The following GLUD1 variants were observed in gnomAD, a reference collection of about 807,000 sequenced individuals.
GLUD1 encodes the protein glutamate dehydrogenase 1, mitochondrial.
GLUD1 carries 22 observed loss-of-function variants against 56.0 expected under a neutral mutation model. That is an observed-to-expected ratio of 0.39 (90% confidence interval 0.28 to 0.56). The LOEUF is 0.56. Ranked by LOEUF, GLUD1 falls within the 20% of genes least tolerant of loss-of-function variation. The pLI, the probability that GLUD1 is intolerant of heterozygous loss-of-function variation, is 0.58. For missense variants in GLUD1, 451 were observed against 732.0 expected (o/e 0.62, Z 4.43); for synonymous variants, 223 against 269.9 (o/e 0.83, Z 1.70).
At chr10:87,071,923 C>A (rs1846249211) in intron 4 of GLUD1, among the ~76,000 whole-genome samples, 1 of 152,128 alleles carries the variant, frequency 6.6e-6, no homozygotes, top group Non-Finnish European at 1.5e-5. Flanking sequence ...AATCAAGAGA[C>A]CTAAATAAAT....
At chr10:87,067,320 C>A (rs1297194726) in intron 5 of GLUD1, among the ~76,000 whole-genome samples, 1 of 152,182 alleles carries the variant, frequency 6.6e-6, no homozygotes, top group Non-Finnish European at 1.5e-5. Flanking sequence ...CTCACTGCAG[C>A]CTCAACCTCC....
At chr10:87,081,757 G>A (rs539127358) in intron 1 of GLUD1, among the ~76,000 whole-genome samples, 7 of 151,584 alleles carry the variant, frequency 4.6e-5, no homozygotes, top group East Asian at 1.9e-4. Flanking sequence ...CAGCATGCTC[G>A]TTAAGAGTCA....
intron 4 of GLUD1, among the ~76,000 whole-genome samples, chr10:87,073,610 C>CT (rs71019462): frequency 0.034 from 2,530 of 74,216 alleles, 585 homozygotes; most frequent in Non-Finnish European, 0.045. Flanking sequence ...AATTAACATT[C>CT]TTTTTTTTTT....
chr10:87,063,130 ATGGTGAGATCT>A (rs1348125694), intron 5 of GLUD1, among the ~76,000 whole-genome samples: 2 of 151,394 alleles, frequency 1.3e-5, no homozygotes, highest in African/African-American at 4.9e-5. Context: ...CTGGAGTGCA[ATGGTGAGATCT>A]TGGCTCATCG....
intron 1 of GLUD1, among the ~76,000 whole-genome samples, chr10:87,079,955 C>T (rs1461762999): frequency 2.9e-5 from 4 of 139,880 alleles, no homozygotes; most frequent in East Asian, 2.2e-4. Context: ...TCCCCACGGT[C>T]TCCCTCTCCC....
chr10:87,059,957 C>G (rs997321993), intron 9 of GLUD1, among the ~76,000 whole-genome samples: 3 of 152,064 alleles, frequency 2.0e-5, no homozygotes, highest in Non-Finnish European at 4.4e-5. Flanking sequence ...CAGTAAAGAG[C>G]CTGAAATTGG....
At position 87,094,727 on chromosome 10, in the gene GLUD1, C is replaced by T. The variant is rs866424073; in HGVS notation, c.43G>A (p.Gly15Arg). 6.6e-7 allele frequency: 1 copy of T among 1,517,714 alleles called. No homozygotes were observed. Among genetic ancestry groups the T allele is most frequent in the African/African-American group, 1.4e-5 (1 of 69,078 alleles). The allele number at this position is 1,517,714 out of a possible 1,614,324, so 94.0% of individuals were successfully genotyped here. A position where few individuals can be genotyped will look rare whatever the true frequency, so the allele number is the denominator to read the frequency against. Reference sequence around the variant, plus strand: ...GACGCCGAGCCCAGGGCAGCGGGCCCGGCCCGGGACAGCAACAGCGCTTCG... The same window carrying T: ...GACGCCGAGCCCAGGGCAGCGGGCCTGGCCCGGGACAGCAACAGCGCTTCG... The part of the protein sequence containing the change: ...LGEALLLSRA[G>R]PAALGSASAD... Residue 15 changes from glycine to arginine, a missense_variant, in exon 1 of 13, where the codon GGG becomes AGG. Coordinates refer to ENST00000277865, the MANE Select transcript of GLUD1 (RefSeq NM_005271.5). The surrounding 1 kb of genome is among the most constrained non-coding windows in gnomAD (Gnocchi z 6.6).
At chr10:87,058,668 G>A (rs9421571) in intron 10 of GLUD1, among the ~76,000 whole-genome samples, 32,381 of 152,058 alleles carry the variant, frequency 0.21, 4,219 homozygotes, top group East Asian at 0.66. Context: ...TGAGGCAGGC[G>A]GATCATGAGG....
At chr10:87,082,978 C>A (rs1027885113) in intron 1 of GLUD1, among the ~76,000 whole-genome samples, 3 of 152,150 alleles carry the variant, frequency 2.0e-5, no homozygotes, top group African/African-American at 4.8e-5. Context: ...TGGTGGCTCA[C>A]GCCTATAATC....
chr10:87,062,483 C>A (rs1845962249), intron 6 of GLUD1, among the ~76,000 whole-genome samples, 173 bp downstream of exon 6: 1 of 152,178 alleles, frequency 6.6e-6, no homozygotes, highest in South Asian at 2.1e-4. Flanking sequence ...GTTCTAGTTA[C>A]ATGAATCATA....
chr10:87,062,002 T>C (rs1198529670), intron 6 of GLUD1, among the ~76,000 whole-genome samples: 4 of 152,318 alleles, frequency 2.6e-5, no homozygotes, highest in Non-Finnish European at 5.9e-5. Flanking sequence ...CAGGATGGTC[T>C]TGATCTCTTG....
chr10:87,082,708 T>C (rs1564562419), intron 1 of GLUD1, among the ~76,000 whole-genome samples: 1 of 152,240 alleles, frequency 6.6e-6, no homozygotes, highest in Non-Finnish European at 1.5e-5. Flanking sequence ...TTGGCAAATA[T>C]TGAGTACTGG....
intron 1 of GLUD1, among the ~76,000 whole-genome samples, chr10:87,081,585 C>T (rs1331786569): frequency 2.6e-5 from 4 of 152,082 alleles, no homozygotes; most frequent in Non-Finnish European, 4.4e-5. Context: ...GGAGACTTTT[C>T]ATTTTGTTCT....
At chr10:87,077,261 T>C (rs1192494034) in intron 1 of GLUD1, among the ~76,000 whole-genome samples, 1 of 152,160 alleles carries the variant, frequency 6.6e-6, no homozygotes, top group African/African-American at 2.4e-5. Context: ...TCCTCCCACC[T>C]TGGCTTCCCA....
At position 87,066,215 on chromosome 10, in the gene GLUD1, AT is replaced by A. The variant is rs561961107; in HGVS notation, c.741+1847del. ...CTTCTTTCTGCTTCTCTCCGGTGCCATTTTTCTTAGTTGGAGGCTATATTTC... is the reference window on the plus strand; with the variant it reads ...CTTCTTTCTGCTTCTCTCCGGTGCCATTTTCTTAGTTGGAGGCTATATTTC... On this transcript the variant is annotated intron_variant, in intron 5 of 12. Coordinates refer to ENST00000277865, the MANE Select transcript of GLUD1 (RefSeq NM_005271.5). Among the ~76,000 whole-genome samples the A allele has an allele frequency of 3.4e-3, 512 of 152,012 alleles. 1 individual carries two copies. The highest frequency in any genetic ancestry group is 0.01 in the Middle Eastern group (3 of 294).
intron 1 of GLUD1, among the ~76,000 whole-genome samples, chr10:87,087,988 G>C (rs980568300): frequency 6.6e-6 from 1 of 152,110 alleles, no homozygotes; most frequent in Non-Finnish European, 1.5e-5. Context: ...GGCTGAGGCA[G>C]GAAAATTGCT....
At chr10:87,058,576 T>C (rs1295364046) in intron 10 of GLUD1, among the ~76,000 whole-genome samples, 1 of 152,106 alleles carries the variant, frequency 6.6e-6, no homozygotes, top group African/African-American at 2.4e-5. Flanking sequence ...GTATCGACAG[T>C]GGAGTTTTAA....
intron 1 of GLUD1, among the ~76,000 whole-genome samples, chr10:87,081,667 G>A (rs11202324): frequency 0.062 from 9,373 of 152,204 alleles, 599 homozygotes; most frequent in African/African-American, 0.17. Context: ...TGTGCTCTCT[G>A]TAACATGTGC....
chr10:87,059,964 T>C (rs757758691), intron 9 of GLUD1, among the ~76,000 whole-genome samples, 197 bp downstream of exon 9: 9 of 152,210 alleles, frequency 5.9e-5, no homozygotes, highest in Admixed American at 3.9e-4. Flanking sequence ...GAGCCTGAAA[T>C]TGGAATAAAT....
Sources: gnomAD v4.1 joint callset for allele counts (sites outside exome capture counted in the v4.1 genomes callset) on GRCh38, gnomAD v4.1.1 for gene constraint, Gnocchi (gnomAD v3.1) non-coding constraint, MANE v1.5 for transcripts, NCBI Gene and HGNC (gene_info 2026-07-23, HGNC 2026-07-21) for gene names.